KCND2: variants seen among roughly 807,000 people sequenced by gnomAD.
The protein encoded by KCND2 is potassium voltage-gated channel subfamily D member 2, also known as A-type voltage-gated potassium channel KCND2.
In KCND2, 16 loss-of-function variants were observed where a neutral mutation model predicts 54.4. The ratio of observed to expected loss-of-function variants is 0.29; its 90% CI spans 0.20 to 0.45. The LOEUF is 0.45. Among genes scored for constraint, KCND2 ranks in the 20% least tolerant of loss-of-function variants. KCND2 has a pLI of 1.00. For synonymous variants in KCND2, 317 were observed against 310.7 expected, an observed-to-expected ratio of 1.02 and a Z score of -0.21; for missense variants, 486 against 824.2, an observed-to-expected ratio of 0.59 and a Z score of 5.02.
At chr7:120,487,915 T>C (rs150587558) in intron 1 of KCND2, among the ~76,000 whole-genome samples, 48 of 152,244 alleles carry the variant, frequency 3.2e-4, no homozygotes, top group African/African-American at 1.1e-3. Context: ...GTGTGGTGAC[T>C]CATGCCTGTA....
intron 1 of KCND2, among the ~76,000 whole-genome samples, chr7:120,515,333 CAT>C (rs1803180655): frequency 6.6e-6 from 1 of 152,100 alleles, no homozygotes; most frequent in African/African-American, 2.4e-5. Flanking sequence ...ATTCCTGTCT[CAT>C]GAGTTTTTAT....
intron 1 of KCND2, among the ~76,000 whole-genome samples, chr7:120,318,865 A>G (rs1799852955): frequency 6.6e-6 from 1 of 152,092 alleles, no homozygotes; most frequent in Non-Finnish European, 1.5e-5. Context: ...AACAAATAGA[A>G]CATCATTCAC....
At chr7:120,612,063 CT>C (rs1291299294) in intron 1 of KCND2, among the ~76,000 whole-genome samples, 2 of 152,200 alleles carry the variant, frequency 1.3e-5, no homozygotes, top group African/African-American at 4.8e-5. Context: ...CCTAATCCAC[CT>C]CATAGAACAT....
intron 1 of KCND2, among the ~76,000 whole-genome samples, chr7:120,712,327 G>A (rs1301628731): frequency 1.7e-5 from 2 of 120,790 alleles, no homozygotes; most frequent in East Asian, 2.8e-4. Flanking sequence ...GCAGTGGCGT[G>A]ATCTTGGCTC....
chr7:120,475,111 T>TA (rs1257206351), intron 1 of KCND2, among the ~76,000 whole-genome samples: 1 of 152,228 alleles, frequency 6.6e-6, no homozygotes, highest in Non-Finnish European at 1.5e-5. Context: ...CTAACTGCCT[T>TA]CAGACCTTTT....
At chr7:120,708,736 C>G (rs1375392484) in intron 1 of KCND2, among the ~76,000 whole-genome samples, 1 of 152,050 alleles carries the variant, frequency 6.6e-6, no homozygotes, top group East Asian at 1.9e-4. Flanking sequence ...TTCACCACCC[C>G]AAATAAATAA....
intron 1 of KCND2, among the ~76,000 whole-genome samples, chr7:120,586,199 G>T (rs1389171668): frequency 6.6e-6 from 1 of 151,576 alleles, no homozygotes; most frequent in African/African-American, 2.4e-5. Flanking sequence ...ACACACACAG[G>T]CATAAAGTAC....
At chr7:120,584,891 G>A (rs1562879908) in intron 1 of KCND2, among the ~76,000 whole-genome samples, 1 of 152,178 alleles carries the variant, frequency 6.6e-6, no homozygotes, top group Non-Finnish European at 1.5e-5. Flanking sequence ...GATTGACATT[G>A]AAATGACCAA....
chr7:120,744,408 A>T (rs557949525), intron 4 of KCND2, among the ~76,000 whole-genome samples: 2 of 152,306 alleles, frequency 1.3e-5, no homozygotes, highest in East Asian at 3.9e-4. Flanking sequence ...GTAGTAACTA[A>T]TAACAGAATG....
At chr7:120,568,320 G>A (rs189537638) in intron 1 of KCND2, among the ~76,000 whole-genome samples, 1 of 152,128 alleles carries the variant, frequency 6.6e-6, no homozygotes, top group Non-Finnish European at 1.5e-5. Flanking sequence ...TGATACTAAT[G>A]AAACTTACCA....
At chr7:120,742,192 T>G in intron 3 of KCND2, 1 of 315,708 alleles carries the variant, frequency 3.2e-6, no homozygotes, top group South Asian at 3.3e-5. Context: ...TTCAAAATTT[T>G]CTAAGCACTA....
chr7:120,500,948 T>C (rs1390615608), intron 1 of KCND2, among the ~76,000 whole-genome samples: 1 of 151,978 alleles, frequency 6.6e-6, no homozygotes, highest in Non-Finnish European at 1.5e-5. Context: ...AATGGTTAAA[T>C]CCTATATTTG....
At chr7:120,642,443 C>A (rs1793388410) in intron 1 of KCND2, among the ~76,000 whole-genome samples, 1 of 150,450 alleles carries the variant, frequency 6.6e-6, no homozygotes, top group Admixed American at 6.6e-5. Context: ...ACACCTGTAA[C>A]CCCATCTACC....
rs529191958 is a variant in KCND2 at position 120,519,019 on chromosome 7, G to T, written c.1116-213884G>T. Among the ~76,000 whole-genome samples, 5 of 152,138 alleles carry T rather than the reference G, an allele frequency of 3.3e-5. No homozygotes were observed. In the South Asian group the frequency reaches 8.3e-4, roughly 25 times the overall value. On this transcript the variant is annotated intron_variant, in intron 1 of 5. Transcript: ENST00000331113. ...TTGTTGCTGGTTTGCAAATGGAGGG[G>T]CAATGTGATACAGAATATGGTGGCC...
At chr7:120,676,049 G>A (rs1792057106) in intron 1 of KCND2, among the ~76,000 whole-genome samples, 1 of 151,992 alleles carries the variant, frequency 6.6e-6, no homozygotes, top group Non-Finnish European at 1.5e-5. Flanking sequence ...TTTTGGCCAA[G>A]CTGGTCTTGA....
At chr7:120,711,115 G>T (rs1792531758) in intron 1 of KCND2, among the ~76,000 whole-genome samples, 1 of 151,764 alleles carries the variant, frequency 6.6e-6, no homozygotes, top group Non-Finnish European at 1.5e-5. Flanking sequence ...AAATGTAGAT[G>T]ATATATATTT....
chr7:120,573,608 G>A (rs1032407978), intron 1 of KCND2, among the ~76,000 whole-genome samples: 3 of 152,116 alleles, frequency 2.0e-5, no homozygotes, highest in Non-Finnish European at 2.9e-5. Context: ...GAAGGAAAAG[G>A]GTTTGGGAAA....
intron 1 of KCND2, among the ~76,000 whole-genome samples, chr7:120,276,124 G>T (rs888619017): frequency 1.3e-5 from 2 of 151,976 alleles, no homozygotes; most frequent in Non-Finnish European, 2.9e-5. Flanking sequence ...CTATAAAGTG[G>T]TTCAATGCAT....
In KCND2 at chr7:120,367,046, G is replaced by T. The variant is rs879902915; in HGVS notation, c.1115+91299G>T. On this transcript the variant is annotated intron_variant, in intron 1 of 5. Coordinates refer to ENST00000331113, the MANE Select transcript of KCND2 (RefSeq NM_012281.3). The stretch of plus-strand genomic sequence containing the variant: ...GCGTAGTTACAGTATCTAAGGGGGT[G>T]TAGGTTTGCCGCTATTGCATGCATA... 4.9e-4 allele frequency among the ~76,000 whole-genome samples: 75 copies of T among 152,228 alleles called. 1 individual carries two copies. Among genetic ancestry groups the T allele is most frequent in the African/African-American group, 1.7e-3 (70 of 41,568 alleles).
Sources: gnomAD v4.1 joint callset for allele counts (sites outside exome capture counted in the v4.1 genomes callset) on GRCh38, gnomAD v4.1.1 for gene constraint, MANE v1.5 for transcripts, NCBI Gene and HGNC (gene_info 2026-07-23, HGNC 2026-07-21) for gene names.